The following POLR3H variants were observed in gnomAD, a reference collection of about 807,000 sequenced individuals.
The protein encoded by POLR3H is RNA polymerase III subunit H.
POLR3H carries 17 observed loss-of-function variants against 25.5 expected under a neutral mutation model. The ratio of observed to expected loss-of-function variants is 0.67; its 90% CI spans 0.46 to 1.00. The LOEUF (loss-of-function observed/expected upper bound fraction) is 1.00. POLR3H is among the 50% of genes least tolerant of loss of function. POLR3H has a pLI of 0.00. For synonymous variants in POLR3H, 129 were observed against 103.0 expected, an observed-to-expected ratio of 1.25 and a Z score of -1.53; for missense variants, 274 against 265.0, an observed-to-expected ratio of 1.03 and a Z score of -0.24.
At chr22:41,535,103 T>C (rs962689142) in intron 2 of POLR3H, among the ~76,000 whole-genome samples, 1 of 152,168 alleles carries the variant, frequency 6.6e-6, no homozygotes, top group African/African-American at 2.4e-5. Flanking sequence ...TTTTAACAGA[T>C]TCAACTCCTA....
At chr22:41,540,664 A>T (rs748405557) in intron 2 of POLR3H, 35 bp downstream of exon 2, 1 of 1,520,072 alleles carries the variant, frequency 6.6e-7, no homozygotes, top group Non-Finnish European at 9.1e-7. Context: ...CTGAGCCCCA[A>T]GAAGCCCAAT....
chr22:41,529,062 G>A lies in POLR3H; in HGVS notation c.*221C>T. 3.5e-6 allele frequency: 2 copies of A among 576,890 alleles called. No homozygotes were observed. Among genetic ancestry groups the A allele is most frequent in the Non-Finnish European group, 6.2e-6 (2 of 324,936 alleles). 35.7% of individuals were successfully genotyped at this position (576,890 alleles called of 1,614,324 possible). ...GGTCTTTTCAGTCAAGGTCAGTGGA[G>A]GCCCAACAGCCACAGCCACAGATGG... On this transcript the variant is annotated 3_prime_UTR_variant, in exon 6 of 6. Coordinates refer to ENST00000355209, the MANE Select transcript of POLR3H (RefSeq NM_001018050.4).
intron 1 of POLR3H, chr22:41,543,693 A>G (rs1214323413): frequency 1.9e-6 from 1 of 528,148 alleles, no homozygotes; most frequent in African/African-American, 1.9e-5. Context: ...GAAGGACAGC[A>G]ATATTTTATC....
intron 2 of POLR3H, among the ~76,000 whole-genome samples, chr22:41,533,856 A>C (rs989776461): frequency 2.0e-5 from 3 of 152,190 alleles, no homozygotes; most frequent in Non-Finnish European, 4.4e-5. Flanking sequence ...ATCCTCACAG[A>C]GGCCGGGCGG....
At position 41,526,188 on chromosome 22, in the gene POLR3H, TG is replaced by T; in HGVS notation, c.*3094del. 7.0e-7 allele frequency: 1 copy of T among 1,427,666 alleles called. No homozygotes were observed. Among genetic ancestry groups the T allele is most frequent in the Middle Eastern group, 2.6e-4 (1 of 3,896 alleles). 88.4% of individuals were successfully genotyped at this position (1,427,666 alleles called of 1,614,324 possible). On this transcript the variant is annotated 3_prime_UTR_variant, in exon 6 of 6. Coordinates refer to ENST00000355209, the MANE Select transcript of POLR3H (RefSeq NM_001018050.4). Reference sequence around the variant, plus strand: ...CTCCTGGGCCCCGGGGCCTGCTGCCTGCCTCTGGAGGGCTTGTCATCCACCC... The same window carrying T: ...CTCCTGGGCCCCGGGGCCTGCTGCCTCCTCTGGAGGGCTTGTCATCCACCC...
Position 41,530,670 on chromosome 22 carries a change from C to A in POLR3H, c.561+17G>T, listed in dbSNP as rs749904770. The A allele has an allele frequency of 1.2e-6, 2 of 1,604,886 alleles. No individual in the cohort carries two copies. The highest frequency in any genetic ancestry group is 3.4e-5 in the Admixed American group (2 of 59,618). On this transcript the variant is annotated intron_variant, in intron 5 of 5. Transcript: ENST00000355209. Reference sequence around the variant, plus strand: ...CTCCCGCCTCATGGGGGCTTCAGCACCATCAGAGCCACTCACCACAAGCGT... The same window carrying A: ...CTCCCGCCTCATGGGGGCTTCAGCAACATCAGAGCCACTCACCACAAGCGT...
chr22:41,533,372 T>A, intron 2 of POLR3H: 1 of 456,268 alleles, frequency 2.2e-6, no homozygotes, highest in African/African-American at 2.1e-5. Flanking sequence ...AAAGTAGGAG[T>A]CCAACGCTGA....
Position 41,529,905 on chromosome 22 carries a change from G to A in POLR3H, c.562-569C>T, listed in dbSNP as rs190696604. ...CAAGTAGCTGGGACTACAGGCGCCC[G>A]CCACCACACCCGGCTAATTTTTTGT... is the stretch of plus-strand genomic sequence containing the variant. On this transcript the variant is annotated intron_variant, in intron 5 of 5. Transcript: ENST00000355209. Among the ~76,000 whole-genome samples, 813 of 151,014 alleles carry A rather than the reference G, an allele frequency of 5.4e-3. 7 individuals carry two copies. The highest frequency in any genetic ancestry group is 0.031 in the Middle Eastern group (9 of 288).
In POLR3H at chr22:41,526,363, C is replaced by T. The variant is rs1156939448; in HGVS notation, c.*2920G>A. 1 of 1,613,746 alleles carries T rather than the reference C, an allele frequency of 6.2e-7. No homozygotes were observed. The highest frequency in any genetic ancestry group is 8.5e-7 in the Non-Finnish European group (1 of 1,180,030). ...TCTCCAACAACCTGCTCATTGGTGC[C>T]ATCAACATTGAAAACGGCAAGGCCA... is the stretch of plus-strand genomic sequence containing the variant. On this transcript the variant is annotated 3_prime_UTR_variant, in exon 6 of 6. Coordinates refer to ENST00000355209, the MANE Select transcript of POLR3H (RefSeq NM_001018050.4).
intron 1 of POLR3H, among the ~76,000 whole-genome samples, chr22:41,541,888 G>A (rs970372424): frequency 6.6e-5 from 10 of 152,134 alleles, no homozygotes; most frequent in African/African-American, 1.7e-4. Flanking sequence ...TGTCTCATGC[G>A]TAAAGCCAGC....
Position 41,528,101 on chromosome 22 carries a change from A to G in POLR3H, c.*1182T>C, listed in dbSNP as rs2066642678. The G allele has an allele frequency of 6.3e-7, 1 of 1,590,218 alleles. No homozygotes were observed. Among genetic ancestry groups the G allele is most frequent in the Admixed American group, 1.7e-5 (1 of 57,614 alleles). ...TCCCCTCCTGCACTGGCCCCAGGGT[A>G]GCTTCTCCCAGGAGGCTTCATTCCA... is the stretch of plus-strand genomic sequence containing the variant. On this transcript the variant is annotated 3_prime_UTR_variant, in exon 6 of 6. Transcript: ENST00000355209.
In POLR3H at chr22:41,544,385, A is replaced by G. The variant is rs1297408468; in HGVS notation, c.-284T>C. The G allele has an allele frequency of 2.4e-5, 7 of 286,760 alleles. No individual in the cohort carries two copies. In the Admixed American group the frequency reaches 3.0e-4, roughly 12 times the overall value. The allele number at this position is 286,760 out of a possible 1,614,324, so 17.8% of individuals were successfully genotyped here. A position where few individuals can be genotyped will look rare whatever the true frequency, so the allele number is the denominator to read the frequency against. Reference sequence around the variant, plus strand: ...ACGCCACTCCACGCCACGCCACTCCACGCCCCGCACCCGCGCCACGTGCCG... The same window carrying G: ...ACGCCACTCCACGCCACGCCACTCCGCGCCCCGCACCCGCGCCACGTGCCG... On this transcript the variant is annotated 5_prime_UTR_variant, in exon 1 of 6. Coordinates refer to ENST00000355209, the MANE Select transcript of POLR3H (RefSeq NM_001018050.4).
rs1252214858 is a variant in POLR3H at position 41,544,300 on chromosome 22, G to A, written c.-199C>T. ...CAACATGAGGAAACTGAGGCCAGAG[G>A]GAGGCACTCTCCGTCCACAGCTCCG... is the stretch of plus-strand genomic sequence containing the variant. On this transcript the variant is annotated 5_prime_UTR_variant, in exon 1 of 6. Coordinates refer to ENST00000355209, the MANE Select transcript of POLR3H (RefSeq NM_001018050.4). 5.7e-6 allele frequency: 3 copies of A among 525,266 alleles called. No individual in the cohort carries two copies. Among genetic ancestry groups the A allele is most frequent in the Non-Finnish European group, 6.8e-6 (2 of 295,212 alleles). The allele number at this position is 525,266 out of a possible 1,614,324, so 32.5% of individuals were successfully genotyped here. A position where few individuals can be genotyped will look rare whatever the true frequency, so the allele number is the denominator to read the frequency against.
At position 41,526,195 on chromosome 22, in the gene POLR3H, G is replaced by T; in HGVS notation, c.*3088C>A. The T allele has an allele frequency of 6.7e-7, 1 of 1,483,284 alleles. No individual in the cohort carries two copies. The highest frequency in any genetic ancestry group is 9.2e-7 in the Non-Finnish European group (1 of 1,084,958). 91.9% of individuals were successfully genotyped at this position (1,483,284 alleles called of 1,614,324 possible). ...GCCCCGGGGCCTGCTGCCTGCCTCT[G>T]GAGGGCTTGTCATCCACCCCTCCAG... is the stretch of plus-strand genomic sequence containing the variant. On this transcript the variant is annotated 3_prime_UTR_variant, in exon 6 of 6. Transcript: ENST00000355209.
chr22:41,529,536 C>T, intron 5 of POLR3H, 200 bp from the exon 6 acceptor site: 1 of 664,718 alleles, frequency 1.5e-6, no homozygotes, highest in Non-Finnish European at 2.8e-6. Context: ...GACCCTTCTC[C>T]AGGGACTCCA....
In POLR3H at chr22:41,526,704, C is replaced by A; in HGVS notation, c.*2579G>T. The A allele has an allele frequency of 2.2e-6, 1 of 448,758 alleles. No individual in the cohort carries two copies. Among genetic ancestry groups the A allele is most frequent in the Non-Finnish European group, 4.0e-6 (1 of 251,462 alleles). The allele number at this position is 448,758 out of a possible 1,614,324, so 27.8% of individuals were successfully genotyped here. ...TGAGAGATATCTTAGGATATCTGGC[C>A]CTAGACAAAGACAAGGAAGGGGGCC... On this transcript the variant is annotated 3_prime_UTR_variant, in exon 6 of 6. Coordinates refer to ENST00000355209, the MANE Select transcript of POLR3H (RefSeq NM_001018050.4).
In POLR3H at chr22:41,528,542, T is replaced by A; in HGVS notation, c.*741A>T. The A allele has an allele frequency of 6.2e-7, 1 of 1,613,182 alleles. No individual in the cohort carries two copies. Among genetic ancestry groups the A allele is most frequent in the Non-Finnish European group, 8.5e-7 (1 of 1,180,028 alleles). ...GGAGACCATCCTCCTGAACCACACC[T>A]TCAACGAGACGCAGATTGAGTGGTT... is the stretch of plus-strand genomic sequence containing the variant. On this transcript the variant is annotated 3_prime_UTR_variant, in exon 6 of 6. Coordinates refer to ENST00000355209, the MANE Select transcript of POLR3H (RefSeq NM_001018050.4).
chr22:41,533,197 C>G (rs928905363), intron 2 of POLR3H, among the ~76,000 whole-genome samples: 1 of 152,200 alleles, frequency 6.6e-6, no homozygotes, highest in African/African-American at 2.4e-5. Flanking sequence ...AGCAGCCCAG[C>G]AAAAATGCCT....
chr22:41,528,146 C>A lies in POLR3H; in HGVS notation c.*1137G>T. Reference sequence around the variant, plus strand: ...ATTCCAGCTGGAAAGGCCCCCAGTTCTCCAGGTGGCCCCACAGAGAAAGCA... The same window carrying A: ...ATTCCAGCTGGAAAGGCCCCCAGTTATCCAGGTGGCCCCACAGAGAAAGCA... On this transcript the variant is annotated 3_prime_UTR_variant, in exon 6 of 6. Coordinates refer to ENST00000355209, the MANE Select transcript of POLR3H (RefSeq NM_001018050.4). 7.0e-7 allele frequency: 1 copy of A among 1,429,836 alleles called. No homozygotes were observed. The highest frequency in any genetic ancestry group is 9.5e-7 in the Non-Finnish European group (1 of 1,055,694). The allele number at this position is 1,429,836 out of a possible 1,614,324, so 88.6% of individuals were successfully genotyped here.
Sources: gnomAD v4.1 joint callset for allele counts (sites outside exome capture counted in the v4.1 genomes callset) on GRCh38, gnomAD v4.1.1 for gene constraint, MANE v1.5 for transcripts, NCBI Gene and HGNC (gene_info 2026-07-23, HGNC 2026-07-21) for gene names.